Variants in PRELID2 observed in about 807,000 individuals in gnomAD.
PRELID2 encodes PRELI domain-containing protein 2.
PRELID2 carries 25 observed loss-of-function variants against 28.4 expected under a neutral mutation model. The observed-to-expected ratio is 0.88, with a 90% confidence interval of 0.64 to 1.23. The LOEUF is 1.23. PRELID2 is among the 50% of genes most tolerant of loss of function. The probability of loss-of-function intolerance (pLI) is 0.00; values close to 1 mark genes in which losing one functional copy is unlikely to be tolerated. For synonymous variants in PRELID2, 76 were observed against 71.6 expected, an observed-to-expected ratio of 1.06 and a Z score of -0.31; for missense variants, 201 against 214.4, an observed-to-expected ratio of 0.94 and a Z score of 0.39.
intron 1 of PRELID2, among the ~76,000 whole-genome samples, chr5:145,502,441 A>G (rs926910385): frequency 6.6e-6 from 1 of 152,094 alleles, no homozygotes; most frequent in Non-Finnish European, 1.5e-5. Flanking sequence ...CACAGATCCA[A>G]TCTGTATTAA....
At chr5:145,334,491 TG>T in the PRELID2 span, among the ~76,000 whole-genome samples, 1 of 152,220 alleles carries the variant, frequency 6.6e-6, no homozygotes, top group Non-Finnish European at 1.5e-5. Context: ...TAGTTAAAAG[TG>T]GTTTACACAC....
the PRELID2 span, among the ~76,000 whole-genome samples, chr5:145,332,982 C>G: frequency 6.6e-6 from 1 of 152,164 alleles, no homozygotes; most frequent in African/African-American, 2.4e-5. Flanking sequence ...GATGTTGATT[C>G]TATTCCTTTC....
the PRELID2 span, among the ~76,000 whole-genome samples, chr5:145,386,224 G>T: frequency 6.6e-6 from 1 of 151,950 alleles, no homozygotes; most frequent in Non-Finnish European, 1.5e-5. Flanking sequence ...AAAACTATCA[G>T]ATCTCATGAG....
At chr5:145,519,142 G>A (rs1228884463) in intron 1 of PRELID2, among the ~76,000 whole-genome samples, 1 of 152,168 alleles carries the variant, frequency 6.6e-6, no homozygotes, top group Non-Finnish European at 1.5e-5. Flanking sequence ...CAAAAGTTAT[G>A]TTTAAAGTTA....
At chr5:145,421,061 C>A in the PRELID2 span, among the ~76,000 whole-genome samples, 1 of 150,988 alleles carries the variant, frequency 6.6e-6, no homozygotes, top group Admixed American at 6.6e-5. Flanking sequence ...ATTGAACCAG[C>A]CTTGCATCCC....
intron 4 of PRELID2, among the ~76,000 whole-genome samples, chr5:145,812,150 T>C (rs1581252262): frequency 1.3e-5 from 2 of 152,314 alleles, no homozygotes; most frequent in South Asian, 4.1e-4. Flanking sequence ...AGGGCTTTTT[T>C]CCTCATGGCT....
the PRELID2 span, among the ~76,000 whole-genome samples, chr5:145,234,086 G>C: frequency 6.6e-6 from 1 of 152,240 alleles, no homozygotes; most frequent in African/African-American, 2.4e-5. Flanking sequence ...GTAGTGGAAG[G>C]TTATATGCAA....
the PRELID2 span, among the ~76,000 whole-genome samples, chr5:145,422,333 T>G: frequency 2.6e-5 from 4 of 151,954 alleles, no homozygotes; most frequent in African/African-American, 9.7e-5. Flanking sequence ...GACAGTGGGG[T>G]GTTAAAGTCT....
the PRELID2 span, among the ~76,000 whole-genome samples, chr5:145,378,204 T>C: frequency 1.6e-4 from 24 of 152,198 alleles, no homozygotes; most frequent in Admixed American, 1.2e-3. Flanking sequence ...CCTTTCTTTC[T>C]AGCTGCCTTT....
intron 1 of PRELID2, chr5:145,826,244 T>C (rs1329186433): frequency 1.1e-6 from 1 of 903,544 alleles, no homozygotes; most frequent in Non-Finnish European, 1.3e-6. Flanking sequence ...ATAAATATAA[T>C]AGTGTAAAGC....
chr5:145,341,113 T>C, the PRELID2 span, among the ~76,000 whole-genome samples: 3 of 151,238 alleles, frequency 2.0e-5, no homozygotes, highest in East Asian at 1.9e-4. Context: ...AGTACTCCAC[T>C]ATGAAAAGAA....
the PRELID2 span, chr5:145,229,926 A>G: frequency 1.3e-6 from 1 of 751,192 alleles, no homozygotes; most frequent in Admixed American, 1.8e-5. Context: ...GTCTCTCTAC[A>G]ATGAGGAGCT....
At chr5:145,436,137 G>A in the PRELID2 span, among the ~76,000 whole-genome samples, 2 of 152,020 alleles carry the variant, frequency 1.3e-5, no homozygotes, top group East Asian at 3.9e-4. Context: ...CCTTCTTTGT[G>A]TCCATGTGCA....
chr5:145,410,308 A>G, the PRELID2 span, among the ~76,000 whole-genome samples: 2 of 152,210 alleles, frequency 1.3e-5, no homozygotes, highest in Non-Finnish European at 2.9e-5. Flanking sequence ...AAAATAAATC[A>G]ATGGGACTTA....
chr5:145,239,013 C>T, the PRELID2 span, among the ~76,000 whole-genome samples: 1 of 152,028 alleles, frequency 6.6e-6, no homozygotes, highest in Non-Finnish European at 1.5e-5. Context: ...AACACACACA[C>T]ATTAATGTGA....
chr5:145,230,206 C>G, the PRELID2 span, among the ~76,000 whole-genome samples: 2 of 152,194 alleles, frequency 1.3e-5, no homozygotes, highest in African/African-American at 4.8e-5. Flanking sequence ...CGTGGTCCCC[C>G]CAAAGCCTGT....
chr5:145,305,724 A>G, the PRELID2 span, among the ~76,000 whole-genome samples: 3 of 152,040 alleles, frequency 2.0e-5, no homozygotes, highest in Admixed American at 2.0e-4. Context: ...ACAAACACAC[A>G]CACACTTATT....
At chr5:145,301,903 A>C in the PRELID2 span, among the ~76,000 whole-genome samples, 1 of 148,388 alleles carries the variant, frequency 6.7e-6, no homozygotes, top group Non-Finnish European at 1.5e-5. Context: ...AAAGCAGGTA[A>C]CCTAAGTCAT....
At chr5:145,635,589 G>C (rs1315903076) in intron 1 of PRELID2, among the ~76,000 whole-genome samples, 4 of 152,188 alleles carry the variant, frequency 2.6e-5, no homozygotes, top group African/African-American at 9.6e-5. Flanking sequence ...TGGCACTCAA[G>C]CCTGTCTGGC....
Sources: gnomAD v4.1 joint callset for allele counts (sites outside exome capture counted in the v4.1 genomes callset) on GRCh38, gnomAD v4.1.1 for gene constraint, MANE v1.5 for transcripts, NCBI Gene and HGNC (gene_info 2026-07-23, HGNC 2026-07-21) for gene names.